The following ADK variants were observed in gnomAD, a reference collection of about 807,000 sequenced individuals.
ADK encodes the protein N6,N6-dimethyladenosine kinase.
In ADK, 24 loss-of-function variants were observed where a neutral mutation model predicts 44.7. The ratio of observed to expected loss-of-function variants is 0.54; its 90% CI spans 0.39 to 0.76. The LOEUF is 0.76. Among genes scored for constraint, ADK ranks in the 30% least tolerant of loss-of-function variants. ADK has a pLI of 0.00. For missense variants in ADK, 321 were observed against 425.1 expected, an observed-to-expected ratio of 0.76 and a Z score of 2.15; for synonymous variants, 128 against 142.6, an observed-to-expected ratio of 0.90 and a Z score of 0.73.
At chr10:74,595,516 A>T (rs1314145673) in intron 8 of ADK, among the ~76,000 whole-genome samples, 1 of 149,542 alleles carries the variant, frequency 6.7e-6, no homozygotes, top group Non-Finnish European at 1.5e-5. Context: ...AGCTGGGACT[A>T]CAGGCCCCCG....
chr10:74,189,199 A>G (rs1045181275), intron 1 of ADK, among the ~76,000 whole-genome samples: 2 of 152,012 alleles, frequency 1.3e-5, no homozygotes, highest in African/African-American at 2.4e-5. Context: ...TTCTATTTCC[A>G]TTGTGATTTT....
chr10:74,295,538 T>C (rs895933502), intron 3 of ADK, among the ~76,000 whole-genome samples: 2 of 152,254 alleles, frequency 1.3e-5, no homozygotes, highest in South Asian at 2.1e-4. Flanking sequence ...GCATATGTCT[T>C]TTTGGACTTG....
intron 3 of ADK, among the ~76,000 whole-genome samples, chr10:74,312,557 A>G (rs1335160423): frequency 6.6e-6 from 1 of 151,974 alleles, no homozygotes; most frequent in African/African-American, 2.4e-5. Flanking sequence ...TATAAACACC[A>G]GTTAAAAAAA....
At chr10:74,688,653 G>A (rs1011097061) in intron 10 of ADK, among the ~76,000 whole-genome samples, 6 of 152,138 alleles carry the variant, frequency 3.9e-5, no homozygotes, top group African/African-American at 7.2e-5. Context: ...AGTGGCTTAC[G>A]CGTGTAATCC....
At chr10:74,527,440 TTGAA>T in intron 7 of ADK, 2 of 482,030 alleles carry the variant, frequency 4.1e-6, no homozygotes, top group Non-Finnish European at 3.8e-6. Context: ...CTTAGGGAGA[TTGAA>T]TGCCATAAAA....
At chr10:74,643,112 G>T (rs1589326482) in intron 9 of ADK, among the ~76,000 whole-genome samples, 1 of 151,960 alleles carries the variant, frequency 6.6e-6, no homozygotes, top group Non-Finnish European at 1.5e-5. Context: ...AAAGTGCTGG[G>T]ATTACAGGCA....
At chr10:74,336,900 C>T (rs1564660589) in intron 4 of ADK, among the ~76,000 whole-genome samples, 1 of 152,178 alleles carries the variant, frequency 6.6e-6, no homozygotes, top group Non-Finnish European at 1.5e-5. Context: ...CTGTTCAGTA[C>T]AGACTCAACA....
At chr10:74,231,651 A>G (rs966286877) in intron 3 of ADK, among the ~76,000 whole-genome samples, 1 of 151,954 alleles carries the variant, frequency 6.6e-6, no homozygotes, top group African/African-American at 2.4e-5. Context: ...TTTTTTGTTG[A>G]GATGGGGTCT....
intron 1 of ADK, among the ~76,000 whole-genome samples, chr10:74,196,455 G>A (rs575878314): frequency 3.9e-5 from 6 of 152,168 alleles, no homozygotes; most frequent in Admixed American, 3.3e-4. Context: ...CAGGAGAATC[G>A]CTTGAACCTG....
chr10:74,668,992 A>G (rs1422875499), intron 9 of ADK, among the ~76,000 whole-genome samples: 1 of 150,334 alleles, frequency 6.7e-6, no homozygotes, highest in Non-Finnish European at 1.5e-5. Flanking sequence ...GGAGTGTGTT[A>G]TGATTATACA....
chr10:74,430,203 A>G (rs1392067805), intron 6 of ADK, among the ~76,000 whole-genome samples: 1 of 152,154 alleles, frequency 6.6e-6, no homozygotes, highest in Non-Finnish European at 1.5e-5. Context: ...TGCAGTTGTA[A>G]TATAATACAG....
intron 3 of ADK, among the ~76,000 whole-genome samples, chr10:74,296,613 T>A (rs969328832): frequency 4.0e-5 from 6 of 150,702 alleles, no homozygotes; most frequent in Non-Finnish European, 7.4e-5. Flanking sequence ...TTCTTTTTTT[T>A]TTTTTTCTTT....
intron 1 of ADK, among the ~76,000 whole-genome samples, chr10:74,177,745 A>G (rs1439300876): frequency 6.6e-6 from 1 of 152,072 alleles, no homozygotes; most frequent in African/African-American, 2.4e-5. Flanking sequence ...GTGAAGAGAA[A>G]TAAAATAAGC....
chr10:74,321,159 A>G (rs1005858463), intron 4 of ADK, among the ~76,000 whole-genome samples: 4 of 152,170 alleles, frequency 2.6e-5, no homozygotes, highest in Admixed American at 6.5e-5. Context: ...ATCTTGGGGT[A>G]TATTCTAGGC....
chr10:74,608,182 C>T (rs916981373), intron 9 of ADK, among the ~76,000 whole-genome samples: 1 of 151,808 alleles, frequency 6.6e-6, no homozygotes, highest in African/African-American at 2.4e-5. Context: ...GAACATGGTC[C>T]TTTAGCTCGG....
intron 3 of ADK, among the ~76,000 whole-genome samples, chr10:74,274,420 G>A (rs1241925793): frequency 1.3e-5 from 2 of 151,914 alleles, no homozygotes; most frequent in Non-Finnish European, 2.9e-5. Flanking sequence ...AAATTAGCTC[G>A]TGGTGGTGGC....
chr10:74,533,338 C>A (rs372276214), intron 7 of ADK, among the ~76,000 whole-genome samples: 2 of 152,184 alleles, frequency 1.3e-5, no homozygotes, highest in South Asian at 2.1e-4. Flanking sequence ...GCCAAACCAA[C>A]GTGGATTTTA....
chr10:74,272,939 T>G (rs1399774968), intron 3 of ADK, among the ~76,000 whole-genome samples: 1 of 152,194 alleles, frequency 6.6e-6, no homozygotes, highest in African/African-American at 2.4e-5. Context: ...CTGCAGATGC[T>G]TGGGCTTTTG....
chr10:74,197,462 G>T (rs1315999951), intron 1 of ADK, among the ~76,000 whole-genome samples: 1 of 152,098 alleles, frequency 6.6e-6, no homozygotes, highest in Admixed American at 6.5e-5. Context: ...ACTTTGGGAG[G>T]CCCAAGGCGG....
Sources: allele counts gnomAD v4.1 joint callset (sites outside exome capture counted in the v4.1 genomes callset), GRCh38; gene constraint gnomAD v4.1.1; transcripts MANE v1.5; gene names NCBI Gene and HGNC (gene_info 2026-07-23, HGNC 2026-07-21).